Variants in TMPRSS9 observed in about 807,000 individuals in gnomAD.
TMPRSS9 encodes the protein transmembrane protease serine 9.
TMPRSS9 carries 113 observed loss-of-function variants against 111.4 expected under a neutral mutation model. The observed-to-expected ratio is 1.01, with a 90% CI of 0.87 to 1.19. The LOEUF (loss-of-function observed/expected upper bound fraction) is 1.19, where lower values mean the gene tolerates loss of function less well. Among genes scored for constraint, TMPRSS9 ranks in the 50% most tolerant of loss-of-function variants. The pLI is 0.00. For synonymous variants in TMPRSS9, 805 were observed against 659.1 expected, an observed-to-expected ratio of 1.22 and a Z score of -3.39; for missense variants, 1,803 against 1,513.1, an observed-to-expected ratio of 1.19 and a Z score of -3.18.
At chr19:2,407,010 G>A (rs553984659) in intron 7 of TMPRSS9, among the ~76,000 whole-genome samples, 1 of 151,604 alleles carries the variant, frequency 6.6e-6, no homozygotes, top group Non-Finnish European at 1.5e-5. Context: ...ATGTTGGCCA[G>A]GCTGGTCTTG....
Position 2,425,348 on chromosome 19 carries a change from C to G in TMPRSS9, c.2984-9C>G. Reference sequence around the variant, plus strand: ...CCCCACCCGCCCCGTCTCGCTCGCCCGCCCGCAGGCTCCATGGCGCGGCAG... The same window carrying G: ...CCCCACCCGCCCCGTCTCGCTCGCCGGCCCGCAGGCTCCATGGCGCGGCAG... On this transcript the variant is annotated splice_polypyrimidine_tract_variant and intron_variant, in intron 16 of 17. Transcript: ENST00000648592. The G allele has an allele frequency of 2.7e-6, 4 of 1,478,602 alleles. No homozygotes were observed. The highest frequency in any genetic ancestry group is 3.6e-6 in the Non-Finnish European group (4 of 1,119,972). 91.6% of individuals were successfully genotyped at this position (1,478,602 alleles called of 1,614,324 possible).
chr19:2,411,531 G>A (rs1373065462), intron 9 of TMPRSS9, among the ~76,000 whole-genome samples: 1 of 150,160 alleles, frequency 6.7e-6, no homozygotes, highest in Non-Finnish European at 1.5e-5. Flanking sequence ...CAGAGTAGCT[G>A]TGATTATAGG....
chr19:2,425,829 G>A, intron 17 of TMPRSS9, 98 bp from the exon 19 acceptor site: 5 of 1,445,580 alleles, frequency 3.5e-6, no homozygotes, highest in East Asian at 2.5e-5. Context: ...CGGCTCCCAG[G>A]GGAAGTCACT....
chr19:2,376,978 G>A (rs73919640), intron 1 of TMPRSS9, among the ~76,000 whole-genome samples: 15,681 of 151,918 alleles, frequency 0.1, 1,579 homozygotes, highest in African/African-American at 0.27. Flanking sequence ...GCGCGTGTCT[G>A]GCCCAGTGTG....
At chr19:2,360,616 G>C (rs952425719) in intron 1 of TMPRSS9, among the ~76,000 whole-genome samples, 1 of 151,958 alleles carries the variant, frequency 6.6e-6, no homozygotes, top group Non-Finnish European at 1.5e-5. Context: ...TGTGGACTCA[G>C]GTGCCGCGTG....
At chr19:2,412,755 T>C (rs905987243) in intron 9 of TMPRSS9, among the ~76,000 whole-genome samples, 2 of 152,188 alleles carry the variant, frequency 1.3e-5, no homozygotes, top group African/African-American at 2.4e-5. Context: ...GATTCCTGTC[T>C]TTCTTGTGCA....
chr19:2,366,856 C>CA (rs769704683), intron 1 of TMPRSS9, among the ~76,000 whole-genome samples: 1,573 of 61,046 alleles, frequency 0.026, 20 homozygotes, highest in African/African-American at 0.063. Flanking sequence ...GACTCCATTT[C>CA]AAAAAAAAAA....
chr19:2,416,909 T>C, intron 12 of TMPRSS9, 100 bp downstream of exon 13: 1 of 1,396,278 alleles, frequency 7.2e-7, no homozygotes. Flanking sequence ...CTAAACCAAT[T>C]CCACTGCACA....
chr19:2,426,082 G>C, exon 18 of TMPRSS9: 4 of 1,605,340 alleles, frequency 2.5e-6, no homozygotes, highest in Non-Finnish European at 3.4e-6. Flanking sequence ...AGCACATCCA[G>C]GAGTGACCAC....
At chr19:2,409,910 T>G (rs976214932) in intron 8 of TMPRSS9, among the ~76,000 whole-genome samples, 1 of 151,734 alleles carries the variant, frequency 6.6e-6, no homozygotes, top group Non-Finnish European at 1.5e-5. Context: ...CTGTGTATAT[T>G]TGGGGGCTGA....
At chr19:2,424,909 C>T (rs1257857340) in intron 15 of TMPRSS9, 93 bp from the exon 17 acceptor site, 15 of 1,349,562 alleles carry the variant, frequency 1.1e-5, no homozygotes, top group East Asian at 3.2e-5. Flanking sequence ...ATAACCCTGC[C>T]CAGGGTGCCA....
intron 9 of TMPRSS9, among the ~76,000 whole-genome samples, chr19:2,411,400 C>CTTTT (rs571815184): frequency 9.9e-6 from 1 of 100,678 alleles, no homozygotes; most frequent in African/African-American, 3.8e-5. Flanking sequence ...TCTTCTTCTT[C>CTTTT]TTTTTTTTTT....
intron 2 of TMPRSS9, among the ~76,000 whole-genome samples, chr19:2,398,416 A>G (rs1370752107): frequency 6.6e-6 from 1 of 152,022 alleles, no homozygotes; most frequent in Non-Finnish European, 1.5e-5. Flanking sequence ...CAGGAGTTCG[A>G]GACCAGCCTG....
chr19:2,410,494 C>T (rs1342403865), intron 9 of TMPRSS9, 100 bp downstream of exon 10: 6 of 1,455,156 alleles, frequency 4.1e-6, no homozygotes, highest in Admixed American at 2.1e-5. Flanking sequence ...CCGCTGTGAG[C>T]CCCCAACGCC....
intron 1 of TMPRSS9, among the ~76,000 whole-genome samples, chr19:2,392,102 A>C (rs1000314915): frequency 6.6e-6 from 1 of 151,872 alleles, no homozygotes; most frequent in Non-Finnish European, 1.5e-5. Flanking sequence ...TAATCCCAGC[A>C]CTCTGGGAGG....
At chr19:2,422,583 A>G (rs941877928) in intron 14 of TMPRSS9, among the ~76,000 whole-genome samples, 5 of 151,780 alleles carry the variant, frequency 3.3e-5, no homozygotes, top group African/African-American at 1.2e-4. Context: ...TCAAAAAAGA[A>G]AAAGACATAA....
rs762834072 is a variant in TMPRSS9, at chr19:2,398,872, A to G, written c.338+10A>G. On this transcript the variant is annotated intron_variant, in intron 3 of 17. Coordinates refer to ENST00000648592, the Ensembl canonical transcript of TMPRSS9. ...CGGTACTGAATTATAGGTGAGTTGG[A>G]GCTTCCATTGGGTGAAGGAAACTTG... is the stretch of plus-strand genomic sequence containing the variant. 2 of 1,527,168 alleles carry G rather than the reference A, an allele frequency of 1.3e-6. No individual in the cohort carries two copies. Among genetic ancestry groups the G allele is most frequent in the South Asian group, 2.4e-5 (2 of 83,122 alleles). 94.6% of individuals were successfully genotyped at this position (1,527,168 alleles called of 1,614,324 possible).
At chr19:2,376,716 C>T (rs1970337817) in intron 1 of TMPRSS9, among the ~76,000 whole-genome samples, 2 of 152,182 alleles carry the variant, frequency 1.3e-5, no homozygotes, top group Admixed American at 6.5e-5. Flanking sequence ...CTTGGCCTCC[C>T]AAAGTGCTGG....
intron 1 of TMPRSS9, among the ~76,000 whole-genome samples, chr19:2,363,823 T>TGTGA (rs1468568438): frequency 3.7e-5 from 4 of 107,018 alleles, no homozygotes; most frequent in East Asian, 2.5e-4. Flanking sequence ...CGTGTGTGTG[T>TGTGA]GAGAGAGAGA....
Sources: gnomAD v4.1 joint callset for allele counts (sites outside exome capture counted in the v4.1 genomes callset) on GRCh38, gnomAD v4.1.1 for gene constraint, MANE v1.5 for transcripts, NCBI Gene and HGNC (gene_info 2026-07-23, HGNC 2026-07-21) for gene names.